The following GRPR variants were observed in gnomAD, a reference collection of about 807,000 sequenced individuals.
The protein encoded by GRPR is gastrin-releasing peptide receptor.
Under a neutral mutation model 15.6 loss-of-function variants are expected in GRPR, and 4 were observed. The observed-to-expected ratio is 0.26, with a 90% CI of 0.13 to 0.59. GRPR has a LOEUF of 0.59. Ranked by LOEUF, GRPR falls within the 20% of genes least tolerant of loss-of-function variation. The pLI, the probability that GRPR is intolerant of heterozygous loss-of-function variation, is 0.90. For synonymous variants in GRPR, 128 were observed against 126.8 expected, an observed-to-expected ratio of 1.01 and a Z score of -0.06; for missense variants, 270 against 304.1, an observed-to-expected ratio of 0.89 and a Z score of 0.83.
Position 16,153,355 on chromosome X carries a change from GC to G in GRPR, c.*711del, listed in dbSNP as rs1450930278. 7.2e-5 allele frequency: 8 copies of G among 111,454 alleles called. No homozygotes were observed. Among genetic ancestry groups the G allele is most frequent in the African/African-American group, 2.6e-4 (8 of 30,628 alleles). The allele number at this position is 111,454 out of a possible 1,213,427, so 9.2% of individuals were successfully genotyped here. A position where few individuals can be genotyped will look rare whatever the true frequency, so the allele number is the denominator to read the frequency against. Reference sequence around the variant, plus strand: ...CATTGACACGTATATAAAGATCCACGCGTGGCTGTGCGTGATATCTCACACT... The same window carrying G: ...CATTGACACGTATATAAAGATCCACGGTGGCTGTGCGTGATATCTCACACT... On this transcript the variant is annotated 3_prime_UTR_variant, in exon 3 of 3. Coordinates refer to ENST00000380289, the MANE Select transcript of GRPR (RefSeq NM_005314.3).
rs73446176 is a variant in GRPR at position 16,150,497 on chromosome X, T to C, written c.606T>C (p.Ser202=). 22 of 1,205,862 alleles carry C rather than the reference T, an allele frequency of 1.8e-5. No homozygotes were observed. In the African/African-American group the frequency reaches 2.1e-4, roughly 12 times the overall value. ...TTAGCTGTGCCCCATACCCACACTC[T>C]AATGAGCTTCACCCCAAAATCCATT... ...TFISCAPYPH[S]NELHPKIHSM... The change falls in exon 2 of 3, where the codon TCT becomes TCC. Residue 202 remains serine (S), a synonymous_variant. Coordinates refer to ENST00000380289, the MANE Select transcript of GRPR (RefSeq NM_005314.3).
At chrX:16,136,422 A>G (rs933183608) in intron 1 of GRPR, among the ~76,000 whole-genome samples, 10 of 111,317 alleles carry the variant, frequency 9.0e-5, no homozygotes, top group Admixed American at 8.6e-4. Flanking sequence ...ATGGCCGGGA[A>G]CTATTATATC....
chrX:16,145,856 A>G (rs1265937487), intron 1 of GRPR, among the ~76,000 whole-genome samples: 1 of 112,196 alleles, frequency 8.9e-6, no homozygotes, highest in Non-Finnish European at 1.9e-5. Flanking sequence ...ACAATTCAAG[A>G]TAGTGCATAA....
chrX:16,141,383 T>C (rs981047664), intron 1 of GRPR, among the ~76,000 whole-genome samples: 1 of 112,226 alleles, frequency 8.9e-6, no homozygotes, highest in Admixed American at 9.4e-5. Flanking sequence ...TCTACATCCC[T>C]CATATCCCAG....
rs188173464 is a variant in GRPR, at chrX:16,149,869, G to A, written c.414-436G>A. Among the ~76,000 whole-genome samples, 370 of 111,479 alleles carry A rather than the reference G, an allele frequency of 3.3e-3. 2 individuals carry two copies. Among genetic ancestry groups the A allele is most frequent in the African/African-American group, 0.011 (342 of 30,698 alleles). ...TCGAAAATTGCTGAGTCGATTTTAA[G>A]TGTTCTCATTTTAAAAAGATAAGTA... On this transcript the variant is annotated intron_variant, in intron 1 of 2. Coordinates refer to ENST00000380289, the MANE Select transcript of GRPR (RefSeq NM_005314.3).
chrX:16,144,965 G>A (rs2147035616), intron 1 of GRPR, among the ~76,000 whole-genome samples: 1 of 111,788 alleles, frequency 8.9e-6, no homozygotes, highest in East Asian at 2.8e-4. Flanking sequence ...AACATTTTTA[G>A]TGAGACAGGA....
At chrX:16,136,612 C>T (rs1211418078) in intron 1 of GRPR, among the ~76,000 whole-genome samples, 1 of 111,929 alleles carries the variant, frequency 8.9e-6, no homozygotes, top group Non-Finnish European at 1.9e-5. Context: ...GGAAAATGAG[C>T]TTACCTCTGT....
At position 16,152,504 on chromosome X, in the gene GRPR, C is replaced by T; in HGVS notation, c.1014C>T (p.Leu338=). ...SFRKQFNTQL[L]CCQPGLIIRS... ...GGAAACAGTTCAACACTCAGCTGCT[C>T]TGTTGCCAGCCTGGCCTGATCATCC... Residue 338 remains leucine, a synonymous_variant, in exon 3 of 3, where the codon CTC becomes CTT. Transcript: ENST00000380289. The T allele has an allele frequency of 8.3e-7, 1 of 1,211,096 alleles. No individual in the cohort carries two copies. The highest frequency in any genetic ancestry group is 1.1e-6 in the Non-Finnish European group (1 of 894,669).
chrX:16,125,024 ATCTT>A (rs5901582), intron 1 of GRPR, among the ~76,000 whole-genome samples: 29,250 of 111,220 alleles, frequency 0.26, 3,192 homozygotes, highest in Non-Finnish European at 0.34. Context: ...TAATTTTAAT[ATCTT>A]TATTGACAAT....
intron 2 of GRPR, among the ~76,000 whole-genome samples, chrX:16,152,037 T>A (rs1922714787): frequency 9.2e-6 from 1 of 108,306 alleles, no homozygotes; most frequent in South Asian, 4.0e-4. Flanking sequence ...TCTGACTCTT[T>A]TTTTTTCCTT....
At chrX:16,127,572 C>T (rs1362084868) in intron 1 of GRPR, among the ~76,000 whole-genome samples, 1 of 111,546 alleles carries the variant, frequency 9.0e-6, no homozygotes, top group East Asian at 2.8e-4. Context: ...CTCCAGAATG[C>T]TTTCTCCTTT....
chrX:16,150,549 G>A lies in GRPR; in HGVS notation c.658G>A (p.Val220Ile), dbSNP rs143721353. The change falls in exon 2 of 3, where the codon GTC becomes ATC. Residue 220 changes from valine to isoleucine, a missense_variant. Val to Ile is a conservative substitution (Grantham distance 29). Transcript: ENST00000380289. ...HSMASFLVFY[V>I]IPLSIISVYY... ...TATGGCTTCCTTTCTGGTCTTCTAC[G>A]TCATTCCACTGTCGATCATCTCTGT... 1.9e-4 allele frequency: 227 copies of A among 1,192,711 alleles called. 1 individual carries two copies. The African/African-American group carries it at 3.0e-3, about 16-fold the overall frequency.
At chrX:16,137,290 A>T (rs149207328) in intron 1 of GRPR, among the ~76,000 whole-genome samples, 1,687 of 112,006 alleles carry the variant, frequency 0.015, 27 homozygotes, top group African/African-American at 0.05. Flanking sequence ...AATCAAGCTG[A>T]AGTCTTTAAG....
At chrX:16,131,791 C>T (rs1438235220) in intron 1 of GRPR, among the ~76,000 whole-genome samples, 2 of 112,134 alleles carry the variant, frequency 1.8e-5, no homozygotes, top group Admixed American at 9.4e-5. Context: ...TATGGATATT[C>T]CACATTTTGT....
In GRPR at chrX:16,153,246, TTTA is replaced by T. The variant is rs1922745605; in HGVS notation, c.*604_*606del. The T allele has an allele frequency of 9.0e-6, 1 of 111,513 alleles. No homozygotes were observed. Among genetic ancestry groups the T allele is most frequent in the Non-Finnish European group, 1.9e-5 (1 of 53,995 alleles). The allele number at this position is 111,513 out of a possible 1,213,427, so 9.2% of individuals were successfully genotyped here. On this transcript the variant is annotated 3_prime_UTR_variant, in exon 3 of 3. Coordinates refer to ENST00000380289, the MANE Select transcript of GRPR (RefSeq NM_005314.3). ...TTAATATAAAACAATTCCCTAAGCATTTATTTTTTTTTTAAAAAGATGTTACTG... is the reference window on the plus strand; with the variant it reads ...TTAATATAAAACAATTCCCTAAGCATTTTTTTTTTTAAAAAGATGTTACTG...
chrX:16,132,490 T>C (rs1457714074), intron 1 of GRPR, among the ~76,000 whole-genome samples: 1 of 111,925 alleles, frequency 8.9e-6, no homozygotes, highest in African/African-American at 3.2e-5. Context: ...ATAATATCTA[T>C]TAAATAACTG....
intron 1 of GRPR, among the ~76,000 whole-genome samples, chrX:16,127,709 A>G (rs1922315064): frequency 8.9e-6 from 1 of 111,784 alleles, no homozygotes; most frequent in African/African-American, 3.3e-5. Flanking sequence ...AAGTCACTTA[A>G]CTCTCTGACC....
Position 16,150,345 on chromosome X carries a change from C to T in GRPR, c.454C>T (p.His152Tyr). Reference protein sequence around the residue: ...IVRPMDIQASHALMKICLKAA... With the variant: ...IVRPMDIQASYALMKICLKAA... ...CCGGCCAATGGATATCCAGGCCTCT[C>T]ATGCCCTGATGAAGATCTGCCTCAA... is the stretch of plus-strand genomic sequence containing the variant. The change falls in exon 2 of 3, where the codon CAT (histidine) becomes TAT (tyrosine). Residue 152 changes from histidine to tyrosine, a missense_variant. His to Tyr is a moderately conservative substitution (Grantham distance 83). Transcript: ENST00000380289. The T allele has an allele frequency of 8.3e-7, 1 of 1,207,357 alleles. No homozygotes were observed. The highest frequency in any genetic ancestry group is 3.0e-5 in the East Asian group (1 of 33,828).
intron 1 of GRPR, among the ~76,000 whole-genome samples, chrX:16,148,948 G>A (rs1647007833): frequency 9.0e-6 from 1 of 111,664 alleles, no homozygotes; most frequent in African/African-American, 3.3e-5. Context: ...GCTCTTTCAG[G>A]GTCCACTTCA....
Sources: allele counts gnomAD v4.1 joint callset (sites outside exome capture counted in the v4.1 genomes callset), GRCh38; gene constraint gnomAD v4.1.1; transcripts MANE v1.5; gene names NCBI Gene and HGNC (gene_info 2026-07-23, HGNC 2026-07-21).